Variants in SNX10 observed in about 807,000 individuals in gnomAD.
The protein encoded by SNX10 is sorting nexin-10.
A neutral mutation model predicts 28.5 loss-of-function variants in SNX10; 25 were observed. The ratio of observed to expected loss-of-function variants is 0.88; its 90% confidence interval spans 0.64 to 1.22. The LOEUF (loss-of-function observed/expected upper bound fraction) is 1.22. SNX10 is among the 50% of genes most tolerant of loss of function. The pLI is 0.00. For synonymous variants in SNX10, 62 were observed against 81.4 expected (o/e 0.76, Z 1.28); for missense variants, 223 against 242.6 (o/e 0.92, Z 0.54).
chr7:26,365,025 A>C (rs2128024611), intron 4 of SNX10, 22 bp from the exon 5 acceptor site: 1 of 1,485,200 alleles, frequency 6.7e-7, no homozygotes, highest in Non-Finnish European at 9.4e-7. Flanking sequence ...ATTTAAAAAC[A>C]TTGTTTTTTC....
chr7:26,345,026 C>T (rs577348406), intron 1 of SNX10, among the ~76,000 whole-genome samples: 6 of 152,318 alleles, frequency 3.9e-5, no homozygotes, highest in East Asian at 1.9e-4. Flanking sequence ...CCTCCGTCTT[C>T]GTCTTCACAT....
intron 1 of SNX10, among the ~76,000 whole-genome samples, chr7:26,341,284 G>A (rs765121699): frequency 1.3e-5 from 2 of 152,132 alleles, no homozygotes; most frequent in Non-Finnish European, 2.9e-5. Flanking sequence ...GGGTGACAGT[G>A]AGACCCTGTC....
At chr7:26,352,536 C>G (rs1055804811) in intron 2 of SNX10, among the ~76,000 whole-genome samples, 1 of 152,192 alleles carries the variant, frequency 6.6e-6, no homozygotes, top group African/African-American at 2.4e-5. Flanking sequence ...TAACTCATAG[C>G]CGAGCTATAT....
rs760310978 is a variant in SNX10, at chr7:26,364,492, T to C, written c.112-43T>C. ...GAATTATAGATACAAGAAATGCATT[T>C]TTTTCCTCAGGTAAGACTCATTTTT... is the stretch of plus-strand genomic sequence containing the variant. On this transcript the variant is annotated intron_variant, in intron 3 of 6. Coordinates refer to ENST00000338523, the MANE Select transcript of SNX10 (RefSeq NM_013322.3). The surrounding 1 kb of genome is among the most constrained non-coding windows in gnomAD (Gnocchi z 4.9). The C allele has an allele frequency of 1.3e-6, 2 of 1,563,108 alleles. No individual in the cohort carries two copies. The highest frequency in any genetic ancestry group is 1.7e-6 in the Non-Finnish European group (2 of 1,154,056).
chr7:26,374,068 T>C lies in SNX10; in HGVS notation c.*1496T>C, dbSNP rs953191198. 5.9e-5 allele frequency: 9 copies of C among 152,094 alleles called. No individual in the cohort carries two copies. Among genetic ancestry groups the C allele is most frequent in the Non-Finnish European group, 1.0e-4 (7 of 67,920 alleles). The allele number at this position is 152,094 out of a possible 1,614,324, so 9.4% of individuals were successfully genotyped here. ...TTTTAATACAGGAAAAGAAAAGATTTAGTAATTTCTTACCATGCTAATATG... is the reference window on the plus strand; with the variant it reads ...TTTTAATACAGGAAAAGAAAAGATTCAGTAATTTCTTACCATGCTAATATG... On this transcript the variant is annotated 3_prime_UTR_variant, in exon 7 of 7. Coordinates refer to ENST00000338523, the MANE Select transcript of SNX10 (RefSeq NM_013322.3).
At chr7:26,367,399 G>C (rs530036890) in intron 5 of SNX10, among the ~76,000 whole-genome samples, 218 of 152,320 alleles carry the variant, frequency 1.4e-3, no homozygotes, top group South Asian at 0.013. Context: ...CATGGAATTG[G>C]CAGGGGGTTC....
At chr7:26,323,445 G>A (rs1299542817) in intron 1 of SNX10, among the ~76,000 whole-genome samples, 1 of 152,124 alleles carries the variant, frequency 6.6e-6, no homozygotes, top group Non-Finnish European at 1.5e-5. Flanking sequence ...GGGATGAGAT[G>A]CACTTGGTGC....
At chr7:26,341,715 C>T (rs1264913758) in intron 1 of SNX10, among the ~76,000 whole-genome samples, 1 of 152,048 alleles carries the variant, frequency 6.6e-6, no homozygotes, top group Non-Finnish European at 1.5e-5. Flanking sequence ...GAACTCCTGA[C>T]CTCAAATTAT....
At chr7:26,344,313 G>A (rs1166776145) in intron 1 of SNX10, among the ~76,000 whole-genome samples, 11 of 151,756 alleles carry the variant, frequency 7.2e-5, no homozygotes, top group African/African-American at 2.4e-4. Flanking sequence ...CTGAGACCAC[G>A]GGCGTGCCAT....
chr7:26,368,596 C>T (rs924210196), intron 5 of SNX10, among the ~76,000 whole-genome samples: 2 of 151,978 alleles, frequency 1.3e-5, no homozygotes, highest in African/African-American at 4.8e-5. Context: ...ACTACATTTA[C>T]CCTACAGTTT....
chr7:26,350,010 A>G (rs761401885), intron 2 of SNX10, among the ~76,000 whole-genome samples: 2 of 152,070 alleles, frequency 1.3e-5, no homozygotes, highest in African/African-American at 2.4e-5. Context: ...GTGTAACTAG[A>G]CTGTTCCTCC....
rs1785927573 is a variant in SNX10, at chr7:26,291,880, A to C, written c.-230A>C. The C allele has an allele frequency of 6.8e-6, 1 of 147,146 alleles. No individual in the cohort carries two copies. 9.1% of individuals were successfully genotyped at this position (147,146 alleles called of 1,614,324 possible). A position where few individuals can be genotyped will look rare whatever the true frequency, so the allele number is the denominator to read the frequency against. On this transcript the variant is annotated 5_prime_UTR_variant, in exon 1 of 7. Transcript: ENST00000338523. ...CGGAAGCACTAGGCGCGGCGCCCAC[A>C]GGCGGACGGCTGGCGCTGAGCGCGG... is the stretch of plus-strand genomic sequence containing the variant.
chr7:26,305,341 C>T, intron 1 of SNX10, among the ~76,000 whole-genome samples: 1 of 152,350 alleles, frequency 6.6e-6, no homozygotes, highest in Non-Finnish European at 1.5e-5. Context: ...AGGGAACCAA[C>T]ACTCCTTAGA....
intron 1 of SNX10, among the ~76,000 whole-genome samples, chr7:26,342,805 T>C (rs904534076): frequency 1.3e-5 from 2 of 150,154 alleles, no homozygotes; most frequent in Non-Finnish European, 2.9e-5. Context: ...TATTTTCTTT[T>C]TTATTTTCTT....
At chr7:26,313,324 G>A (rs533314795) in intron 1 of SNX10, among the ~76,000 whole-genome samples, 41 of 152,306 alleles carry the variant, frequency 2.7e-4, no homozygotes, top group African/African-American at 9.6e-4. Flanking sequence ...ATGTTGTACA[G>A]CAGATCTTTA....
chr7:26,298,264 A>G (rs1407513222), intron 1 of SNX10, among the ~76,000 whole-genome samples: 2 of 152,260 alleles, frequency 1.3e-5, no homozygotes, highest in Non-Finnish European at 1.5e-5. Context: ...AATAGTTGCA[A>G]TATCTATAAC....
intron 5 of SNX10, among the ~76,000 whole-genome samples, chr7:26,366,180 T>A (rs182264976): frequency 1.2e-3 from 177 of 152,348 alleles, no homozygotes; most frequent in Middle Eastern, 3.4e-3. Context: ...GGATCTGAAG[T>A]CATCTCCTTT....
chr7:26,305,554 C>G (rs766902452), intron 1 of SNX10, among the ~76,000 whole-genome samples: 12 of 152,208 alleles, frequency 7.9e-5, no homozygotes, highest in Non-Finnish European at 1.3e-4. Flanking sequence ...TGGAATCTCA[C>G]AGCAAACAAC....
At chr7:26,324,793 A>G (rs1787438405) in intron 1 of SNX10, among the ~76,000 whole-genome samples, 1 of 152,218 alleles carries the variant, frequency 6.6e-6, no homozygotes, top group Admixed American at 6.5e-5. Context: ...TGGTCACCCT[A>G]GTTATGGGCA....
Sources: gnomAD v4.1 joint callset for allele counts (sites outside exome capture counted in the v4.1 genomes callset) on GRCh38, gnomAD v4.1.1 for gene constraint, Gnocchi (gnomAD v3.1) non-coding constraint, MANE v1.5 for transcripts, NCBI Gene and HGNC (gene_info 2026-07-23, HGNC 2026-07-21) for gene names.